Variants in GSK3B observed in about 807,000 individuals in gnomAD.
GSK3B encodes glycogen synthase kinase-3 beta.
GSK3B carries 15 observed loss-of-function variants against 56.4 expected under a neutral mutation model. The observed-to-expected ratio is 0.27, with a 90% confidence interval of 0.18 to 0.41. The LOEUF (loss-of-function observed/expected upper bound fraction) is 0.41. GSK3B is among the 10% of genes least tolerant of loss of function. The probability of loss-of-function intolerance (pLI) is 1.00; values close to 1 mark genes in which losing one functional copy is unlikely to be tolerated. For synonymous variants in GSK3B, 181 were observed against 188.9 expected (o/e 0.96, Z 0.34); for missense variants, 300 against 513.4 (o/e 0.58, Z 4.02).
intron 1 of GSK3B, among the ~76,000 whole-genome samples, chr3:120,073,415 A>G (rs542206664): frequency 1.4e-4 from 22 of 152,184 alleles, no homozygotes; most frequent in Non-Finnish European, 2.5e-4. Flanking sequence ...ATAGGAGCTC[A>G]GGCTCAAAAC....
chr3:120,092,816 A>C (rs1345965817), intron 1 of GSK3B, among the ~76,000 whole-genome samples: 1 of 152,118 alleles, frequency 6.6e-6, no homozygotes, highest in African/African-American at 2.4e-5. Flanking sequence ...CCACAGATTA[A>C]GAACAAATAT....
intron 2 of GSK3B, among the ~76,000 whole-genome samples, chr3:119,954,402 G>T (rs993390606): frequency 5.5e-5 from 7 of 127,038 alleles, no homozygotes; most frequent in Non-Finnish European, 9.4e-5. Context: ...CATACAGTAA[G>T]GGTTTTTTTC....
chr3:119,863,789 TA>T (rs1411084359), intron 8 of GSK3B, among the ~76,000 whole-genome samples, 184 bp from the exon 9 acceptor site: 1 of 152,168 alleles, frequency 6.6e-6, no homozygotes, highest in African/African-American at 2.4e-5. Context: ...AATTAAAGAT[TA>T]TATGAGAAAT....
intron 4 of GSK3B, among the ~76,000 whole-genome samples, chr3:119,920,246 T>C (rs1160958977): frequency 6.6e-6 from 1 of 152,116 alleles, no homozygotes; most frequent in East Asian, 1.9e-4. Flanking sequence ...AGAGGAATTA[T>C]TCAATTTTTT....
intron 1 of GSK3B, among the ~76,000 whole-genome samples, chr3:120,090,319 G>A (rs529535509): frequency 6.6e-6 from 1 of 152,120 alleles, no homozygotes; most frequent in East Asian, 1.9e-4. Context: ...AACATCTTTA[G>A]GTGTAGAAAA....
chr3:120,048,103 C>A (rs76377707), intron 1 of GSK3B, among the ~76,000 whole-genome samples: 3,943 of 152,214 alleles, frequency 0.026, 176 homozygotes, highest in African/African-American at 0.089. Context: ...ATGTCTAGAA[C>A]CGTTAAAGCC....
intron 7 of GSK3B, among the ~76,000 whole-genome samples, chr3:119,903,011 G>A (rs1487201963): frequency 6.6e-6 from 1 of 152,126 alleles, no homozygotes; most frequent in Non-Finnish European, 1.5e-5. Flanking sequence ...TACGGCCCCT[G>A]GCCGGACCAG....
chr3:119,956,588 T>G (rs1389583356), intron 2 of GSK3B, among the ~76,000 whole-genome samples: 1 of 152,178 alleles, frequency 6.6e-6, no homozygotes, highest in African/African-American at 2.4e-5. Context: ...ATTTTTGGTT[T>G]CAAGATGCTC....
chr3:119,948,235 C>T lies in GSK3B; in HGVS notation c.283-884G>A, dbSNP rs376693223. Among the ~76,000 whole-genome samples the T allele has an allele frequency of 3.8e-3, 584 of 152,210 alleles. 10 individuals carry two copies. Among genetic ancestry groups the T allele is most frequent in the South Asian group, 0.036 (174 of 4,828 alleles). On this transcript the variant is annotated intron_variant, in intron 2 of 10. Coordinates refer to ENST00000264235, the MANE Select transcript of GSK3B (RefSeq NM_001146156.2). ...GAAGAGCTAGAAAACATAAAGTATA[C>T]ACCTGAGAATCTGGAAAGGAAATGG... is the stretch of plus-strand genomic sequence containing the variant.
chr3:119,904,148 A>G (rs2056657737), intron 7 of GSK3B, among the ~76,000 whole-genome samples: 1 of 148,324 alleles, frequency 6.7e-6, no homozygotes, highest in South Asian at 2.2e-4. Context: ...ATTTGTGAAA[A>G]TGTGTTTTCT....
intron 7 of GSK3B, among the ~76,000 whole-genome samples, chr3:119,895,255 T>C (rs878944567): frequency 6.6e-6 from 1 of 152,168 alleles, no homozygotes; most frequent in Non-Finnish European, 1.5e-5. Flanking sequence ...ACGACAGAAT[T>C]TCCTTCTTTC....
At chr3:119,936,114 C>G (rs966006810) in intron 3 of GSK3B, among the ~76,000 whole-genome samples, 1 of 151,816 alleles carries the variant, frequency 6.6e-6, no homozygotes, top group African/African-American at 2.4e-5. Context: ...AAACCCAAGA[C>G]TAACATCACA....
At chr3:120,091,735 A>G (rs60325644) in intron 1 of GSK3B, among the ~76,000 whole-genome samples, 3,936 of 152,214 alleles carry the variant, frequency 0.026, 175 homozygotes, top group African/African-American at 0.089. Context: ...CACTCCATGA[A>G]GTGCTTAGAA....
intron 6 of GSK3B, among the ~76,000 whole-genome samples, chr3:119,910,920 G>A (rs1167877547): frequency 6.6e-6 from 1 of 152,182 alleles, no homozygotes; most frequent in Non-Finnish European, 1.5e-5. Context: ...TCATGAGATT[G>A]CAGCAGTTCA....
At chr3:119,889,149 C>T (rs1249459794) in intron 7 of GSK3B, among the ~76,000 whole-genome samples, 1 of 152,038 alleles carries the variant, frequency 6.6e-6, no homozygotes, top group African/African-American at 2.4e-5. Context: ...TCTTGCATCC[C>T]CTCCCCTTTT....
intron 3 of GSK3B, among the ~76,000 whole-genome samples, chr3:119,939,708 C>G (rs1229329650): frequency 6.6e-6 from 1 of 152,080 alleles, no homozygotes; most frequent in African/African-American, 2.4e-5. Context: ...ATAGAAAGAA[C>G]AGATTCAAAT....
chr3:119,839,131 G>A (rs2055735340), intron 10 of GSK3B, among the ~76,000 whole-genome samples: 1 of 152,186 alleles, frequency 6.6e-6, no homozygotes, highest in African/African-American at 2.4e-5. Flanking sequence ...AGCACAGTAT[G>A]ATTTTAGGCC....
intron 1 of GSK3B, among the ~76,000 whole-genome samples, chr3:120,070,256 C>G (rs188738107): frequency 6.6e-6 from 1 of 150,548 alleles, no homozygotes; most frequent in African/African-American, 2.5e-5. Flanking sequence ...AAAAAAACAT[C>G]CTGTATATAT....
chr3:119,919,678 C>T (rs911780344), intron 4 of GSK3B, among the ~76,000 whole-genome samples: 1 of 151,956 alleles, frequency 6.6e-6, no homozygotes, highest in Non-Finnish European at 1.5e-5. Flanking sequence ...TCTAGCTCAA[C>T]TATTTGCTGG....
Sources: allele counts gnomAD v4.1 joint callset (sites outside exome capture counted in the v4.1 genomes callset), GRCh38; gene constraint gnomAD v4.1.1; transcripts MANE v1.5; gene names NCBI Gene and HGNC (gene_info 2026-07-23, HGNC 2026-07-21).